The following DPP6 variants were observed in gnomAD, a reference collection of about 807,000 sequenced individuals.
The protein encoded by DPP6 is A-type potassium channel modulatory protein DPP6.
In DPP6, 69 loss-of-function variants were observed where a neutral mutation model predicts 122.6. The ratio of observed to expected loss-of-function variants is 0.56; its 90% CI spans 0.46 to 0.69. The LOEUF is 0.69. Ranked by LOEUF, DPP6 falls within the 30% of genes least tolerant of loss-of-function variation. The pLI, the probability that DPP6 is intolerant of heterozygous loss-of-function variation, is 0.00. For synonymous variants in DPP6, 418 were observed against 433.1 expected, an observed-to-expected ratio of 0.97 and a Z score of 0.43; for missense variants, 928 against 1,116.9, an observed-to-expected ratio of 0.83 and a Z score of 2.41.
chr7:154,821,897 G>A lies in DPP6; in HGVS notation c.1666+14785G>A, dbSNP rs1290819467. 2.0e-5 allele frequency among the ~76,000 whole-genome samples: 3 copies of A among 151,930 alleles called. No individual in the cohort carries two copies. Among genetic ancestry groups the A allele is most frequent in the Non-Finnish European group, 4.4e-5 (3 of 67,982 alleles). On this transcript the variant is annotated intron_variant, in intron 16 of 25. Transcript: ENST00000377770. This position sits in a 1 kb window ranked among gnomAD's most constrained non-coding sequence, Gnocchi z 4.2. The stretch of plus-strand genomic sequence containing the variant: ...CTTGTTAATCACCGTCATCCTCCAG[G>A]AAATTCACAGTAAGCCTTTGCAGAC...
chr7:153,831,413 A>G, the DPP6 span, among the ~76,000 whole-genome samples: 1 of 152,280 alleles, frequency 6.6e-6, no homozygotes, highest in Non-Finnish European at 1.5e-5. Context: ...TTGACACCTG[A>G]CCTGAAGCCC....
At chr7:154,018,332 C>T (rs1798530773) in intron 1 of DPP6, among the ~76,000 whole-genome samples, 1 of 151,998 alleles carries the variant, frequency 6.6e-6, no homozygotes, top group Non-Finnish European at 1.5e-5. Context: ...TGAAAAATGG[C>T]TGCTGGTGTA....
intron 1 of DPP6, among the ~76,000 whole-genome samples, chr7:154,260,296 A>C (rs1382078153): frequency 6.6e-6 from 1 of 152,126 alleles, no homozygotes; most frequent in East Asian, 1.9e-4. Flanking sequence ...TTTTTAAAAA[A>C]TTATTTTATT....
chr7:154,655,114 C>T (rs950743367), intron 6 of DPP6, among the ~76,000 whole-genome samples: 1 of 152,124 alleles, frequency 6.6e-6, no homozygotes. Context: ...TAGGAAGACT[C>T]AGAAAACACA....
intron 1 of DPP6, among the ~76,000 whole-genome samples, chr7:154,054,947 T>C (rs1800686681): frequency 6.6e-6 from 1 of 152,074 alleles, no homozygotes; most frequent in South Asian, 2.1e-4. Context: ...AGTATACATG[T>C]CCTTCTTTTT....
chr7:154,348,446 AT>A (rs1810576614), intron 1 of DPP6, among the ~76,000 whole-genome samples: 1 of 152,186 alleles, frequency 6.6e-6, no homozygotes, highest in Non-Finnish European at 1.5e-5. Context: ...TTCCAATATC[AT>A]TTTTTATTCT....
intron 16 of DPP6, among the ~76,000 whole-genome samples, chr7:154,836,796 TC>T (rs1584848828): frequency 6.6e-6 from 1 of 152,136 alleles, no homozygotes; most frequent in African/African-American, 2.4e-5. Context: ...AACGTCCACC[TC>T]CCCAGTTCAA....
intron 8 of DPP6, among the ~76,000 whole-genome samples, chr7:154,732,999 C>A (rs1842410261): frequency 6.6e-6 from 1 of 152,182 alleles, no homozygotes; most frequent in Non-Finnish European, 1.5e-5. Flanking sequence ...CTCCATGGCA[C>A]CCTCCCCATT....
intron 10 of DPP6, among the ~76,000 whole-genome samples, chr7:154,788,314 C>T (rs1416018616): frequency 1.3e-5 from 2 of 151,964 alleles, no homozygotes; most frequent in African/African-American, 4.8e-5. Context: ...CGTGGTGGCG[C>T]ACACCTGTAA....
intron 1 of DPP6, among the ~76,000 whole-genome samples, chr7:154,105,323 G>A (rs1481900390): frequency 6.6e-6 from 1 of 152,176 alleles, no homozygotes; most frequent in Admixed American, 6.5e-5. Flanking sequence ...AATGAAAAGT[G>A]TGCTGATAAC....
At chr7:154,162,108 CA>C (rs1225747817) in intron 1 of DPP6, among the ~76,000 whole-genome samples, 2 of 144,436 alleles carry the variant, frequency 1.4e-5, no homozygotes, top group Non-Finnish European at 3.0e-5. Context: ...TAGGAAAATG[CA>C]CTTGGGTTCA....
intron 1 of DPP6, among the ~76,000 whole-genome samples, chr7:154,375,889 G>A (rs1036081992): frequency 6.6e-5 from 10 of 152,142 alleles, no homozygotes; most frequent in Admixed American, 3.3e-4. Flanking sequence ...ATGAATGGAC[G>A]CAGAGTGAGG....
At chr7:154,273,669 A>G (rs910669022) in intron 1 of DPP6, among the ~76,000 whole-genome samples, 2 of 152,210 alleles carry the variant, frequency 1.3e-5, no homozygotes, top group Admixed American at 6.5e-5. Context: ...TTAAACTACA[A>G]TTTCAAAGTC....
intron 1 of DPP6, among the ~76,000 whole-genome samples, chr7:154,391,205 C>T (rs1422667869): frequency 6.6e-6 from 1 of 152,152 alleles, no homozygotes. Flanking sequence ...TCAGAAAATA[C>T]CAAGAGCAGC....
At chr7:154,528,057 G>C (rs1044136549) in intron 3 of DPP6, among the ~76,000 whole-genome samples, 8 of 151,730 alleles carry the variant, frequency 5.3e-5, no homozygotes, top group African/African-American at 1.9e-4. Context: ...TTCCATTTCT[G>C]TAATATTTTC....
At chr7:153,960,768 T>TG (rs1795315819) in intron 1 of DPP6, among the ~76,000 whole-genome samples, 1 of 149,640 alleles carries the variant, frequency 6.7e-6, no homozygotes, top group South Asian at 2.1e-4. Flanking sequence ...GCCCTCATAC[T>TG]GTGTGGGGAC....
the DPP6 span, among the ~76,000 whole-genome samples, chr7:153,759,013 G>A: frequency 1.1e-4 from 16 of 151,376 alleles, no homozygotes; most frequent in African/African-American, 3.4e-4. Context: ...TGAGGCTTCC[G>A]GTTCCCCCAA....
At position 154,448,394 on chromosome 7, in the gene DPP6, G is replaced by A. The variant is rs116532871; in HGVS notation, c.358+2066G>A. 8.7e-3 allele frequency among the ~76,000 whole-genome samples: 1,326 copies of A among 152,188 alleles called. 16 individuals are homozygous for A. The highest frequency in any genetic ancestry group is 0.03 in the African/African-American group (1,247 of 41,536). ...CAAAATAAAGAAGTATAAGACTTGT[G>A]TACTAAAACTACAAAACAAAATGGA... On this transcript the variant is annotated intron_variant, in intron 2 of 25. Coordinates refer to ENST00000377770, the MANE Select transcript of DPP6 (RefSeq NM_130797.4).
chr7:154,777,689 G>A (rs1373588680), intron 10 of DPP6, among the ~76,000 whole-genome samples: 1 of 152,110 alleles, frequency 6.6e-6, no homozygotes, highest in Non-Finnish European at 1.5e-5. Flanking sequence ...GCTGATATGT[G>A]CTGTTATTTG....
Sources: gnomAD v4.1 joint callset for allele counts (sites outside exome capture counted in the v4.1 genomes callset) on GRCh38, gnomAD v4.1.1 for gene constraint, Gnocchi (gnomAD v3.1) non-coding constraint, MANE v1.5 for transcripts, NCBI Gene and HGNC (gene_info 2026-07-23, HGNC 2026-07-21) for gene names.